CD36: variants seen among roughly 807,000 people sequenced by gnomAD.
The protein encoded by CD36 is platelet glycoprotein 4.
A neutral mutation model predicts 55.2 loss-of-function variants in CD36; 119 were observed. The observed-to-expected ratio is 2.15, with a 90% CI of 1.86 to 2.51. The LOEUF (loss-of-function observed/expected upper bound fraction) is 2.51. Ranked by LOEUF, CD36 falls within the 30% of genes most tolerant of loss-of-function variation. CD36 has a pLI of 0.00. For missense variants in CD36, 819 were observed against 555.5 expected, an observed-to-expected ratio of 1.47 and a Z score of -4.77; for synonymous variants, 186 against 193.6, an observed-to-expected ratio of 0.96 and a Z score of 0.33.
At chr7:80,611,491 C>A (rs529560222) in intron 1 of CD36, among the ~76,000 whole-genome samples, 6 of 152,232 alleles carry the variant, frequency 3.9e-5, no homozygotes, top group Non-Finnish European at 7.4e-5. Flanking sequence ...GAGTTAGGAG[C>A]CAAGTTTCTT....
intron 1 of CD36, among the ~76,000 whole-genome samples, chr7:80,607,145 G>A (rs1474416234): frequency 6.6e-6 from 1 of 152,038 alleles, no homozygotes; most frequent in Non-Finnish European, 1.5e-5. Context: ...AGTATTAAAG[G>A]TAGCATTTTG....
At chr7:80,644,310 A>T (rs1278523533) in intron 1 of CD36, among the ~76,000 whole-genome samples, 2 of 152,198 alleles carry the variant, frequency 1.3e-5, no homozygotes, top group Non-Finnish European at 2.9e-5. Context: ...TTCCACAGGA[A>T]AAACAAATCA....
intron 1 of CD36, among the ~76,000 whole-genome samples, chr7:80,611,980 A>G (rs747371185): frequency 6.6e-6 from 1 of 152,204 alleles, no homozygotes; most frequent in Non-Finnish European, 1.5e-5. Context: ...TAAATGCTCT[A>G]TGAATTGTTT....
intron 1 of CD36, among the ~76,000 whole-genome samples, chr7:80,620,976 G>A (rs565243806): frequency 6.6e-6 from 1 of 152,234 alleles, no homozygotes; most frequent in African/African-American, 2.4e-5. Context: ...AAACAGCATT[G>A]CATGCTATAG....
In CD36 at chr7:80,674,396, G is replaced by A. The variant is rs182620524; in HGVS notation, c.*249G>A. 8 of 317,872 alleles carry A rather than the reference G, an allele frequency of 2.5e-5. No homozygotes were observed. The East Asian group carries it at 3.9e-4, about 16-fold the overall frequency. 19.7% of individuals were successfully genotyped at this position (317,872 alleles called of 1,614,324 possible). On this transcript the variant is annotated intron_variant, in intron 14 of 14. Transcript: ENST00000447544. ...CCATTGTAACAATAGCACAAATAAA[G>A]CACTTGTGCCAAAGTTGTCCAAAAT...
intron 1 of CD36, among the ~76,000 whole-genome samples, chr7:80,621,830 A>C (rs1034691285): frequency 5.9e-5 from 9 of 152,218 alleles, no homozygotes; most frequent in Middle Eastern, 3.2e-3. Context: ...AGATAGTGGC[A>C]GGTCCCCACT....
rs1188738636 is a variant in CD36, at chr7:80,665,084, A to C, written c.701+587A>C. The stretch of plus-strand genomic sequence containing the variant: ...GCTTTTTTAACTTTATCAATGCAAA[A>C]ATAGAATGAATATTTCAAGTGCAGT... On this transcript the variant is annotated intron_variant, in intron 7 of 14. Transcript: ENST00000447544. 2.6e-5 allele frequency among the ~76,000 whole-genome samples: 4 copies of C among 152,204 alleles called. No homozygotes were observed. The East Asian group carries it at 7.7e-4, about 29-fold the overall frequency.
At chr7:80,640,029 C>T (rs1279892200) in intron 1 of CD36, 1 of 151,960 alleles carries the variant, frequency 6.6e-6, no homozygotes, top group Non-Finnish European at 1.5e-5. Context: ...TACTTTAACA[C>T]ATTTGAACCC....
intron 10 of CD36, among the ~76,000 whole-genome samples, chr7:80,671,644 T>C (rs1797682349): frequency 6.6e-6 from 1 of 151,698 alleles, no homozygotes; most frequent in African/African-American, 2.4e-5. Context: ...CCTGTACATA[T>C]TTATCATACT....
Position 80,677,595 on chromosome 7 carries a change from G to C in CD36, c.*1212G>C, listed in dbSNP as rs1322670808. ...TAGTGCCTTTCCTTTTAACTGGGAA[G>C]ATAAAAGAAGTATCTGTCCAAGATA... On this transcript the variant is annotated 3_prime_UTR_variant, in exon 15 of 15. Coordinates refer to ENST00000447544, the MANE Select transcript of CD36 (RefSeq NM_001001548.3). 6.6e-6 allele frequency: 1 copy of C among 152,156 alleles called. No individual in the cohort carries two copies. Among genetic ancestry groups the C allele is most frequent in the African/African-American group, 2.4e-5 (1 of 41,456 alleles). The allele number at this position is 152,156 out of a possible 1,614,324, so 9.4% of individuals were successfully genotyped here.
intron 1 of CD36, among the ~76,000 whole-genome samples, chr7:80,610,117 G>C (rs528428744): frequency 6.6e-6 from 1 of 152,192 alleles, no homozygotes; most frequent in African/African-American, 2.4e-5. Context: ...TTTAACAGCT[G>C]ATTAAATGAG....
At chr7:80,629,822 A>G (rs765261349) in intron 1 of CD36, among the ~76,000 whole-genome samples, 13 of 152,038 alleles carry the variant, frequency 8.6e-5, no homozygotes, top group Non-Finnish European at 1.5e-4. Context: ...GGATTATTCT[A>G]AAATAAAAAT....
At chr7:80,667,455 G>T (rs1797202405) in intron 8 of CD36, among the ~76,000 whole-genome samples, 1 of 149,404 alleles carries the variant, frequency 6.7e-6, no homozygotes, top group South Asian at 2.1e-4. Flanking sequence ...AAAAAAAGTG[G>T]TGGGAATCGA....
At chr7:80,630,778 C>G (rs1794030522) in intron 1 of CD36, among the ~76,000 whole-genome samples, 1 of 151,952 alleles carries the variant, frequency 6.6e-6, no homozygotes, top group Non-Finnish European at 1.5e-5. Context: ...GTTCTTAGTC[C>G]TTGGAATACA....
chr7:80,633,967 C>T (rs1005920709), upstream of CD36, among the ~76,000 whole-genome samples: 1 of 151,066 alleles, frequency 6.6e-6, no homozygotes, highest in African/African-American at 2.4e-5. Flanking sequence ...TTATTTTGCT[C>T]TTAATGTAAT....
chr7:80,675,560 T>TTTTA (rs1215966287), intron 14 of CD36, among the ~76,000 whole-genome samples: 1 of 152,126 alleles, frequency 6.6e-6, no homozygotes, highest in Non-Finnish European at 1.5e-5. Context: ...TATATTAGTT[T>TTTTA]TGCTTATATA....
chr7:80,674,286 T>G, intron 14 of CD36, 139 bp downstream of exon 14: 1 of 631,748 alleles, frequency 1.6e-6, no homozygotes, highest in South Asian at 1.9e-5. Flanking sequence ...TAAATATAGG[T>G]AAATAAACCT....
intron 3 of CD36, among the ~76,000 whole-genome samples, chr7:80,648,251 G>C (rs1024398869): frequency 6.6e-6 from 1 of 152,070 alleles, no homozygotes; most frequent in Non-Finnish European, 1.5e-5. Context: ...CATAAACTAT[G>C]TTCTCACCCA....
intron 1 of CD36, among the ~76,000 whole-genome samples, chr7:80,617,312 A>C (rs973011825): frequency 6.6e-6 from 1 of 152,150 alleles, no homozygotes; most frequent in Admixed American, 6.6e-5. Flanking sequence ...GAAATAATCT[A>C]TAGAACAAAC....
Sources: gnomAD v4.1 joint callset for allele counts (sites outside exome capture counted in the v4.1 genomes callset) on GRCh38, gnomAD v4.1.1 for gene constraint, MANE v1.5 for transcripts, NCBI Gene and HGNC (gene_info 2026-07-23, HGNC 2026-07-21) for gene names.